Variants in DMBT1 observed in about 807,000 individuals in gnomAD.
DMBT1 encodes scavenger receptor cysteine-rich domain-containing protein DMBT1.
DMBT1 carries 198 observed loss-of-function variants against 252.9 expected under a neutral mutation model. The observed-to-expected ratio is 0.78, with a 90% CI of 0.70 to 0.88. The LOEUF is 0.88. DMBT1 is among the 40% of genes least tolerant of loss of function. DMBT1 has a pLI of 0.00. For synonymous variants in DMBT1, 990 were observed against 942.7 expected (o/e 1.05, Z -0.92); for missense variants, 2,432 against 2,404.7 (o/e 1.01, Z -0.24).
At chr10:122,561,716 C>T (rs912883950) in intron 1 of DMBT1, among the ~76,000 whole-genome samples, 1 of 151,392 alleles carries the variant, frequency 6.6e-6, no homozygotes, top group African/African-American at 2.4e-5. Context: ...GGGCAGATAT[C>T]ACCTTTTCTT....
In DMBT1 at chr10:122,621,147, C is replaced by G; in HGVS notation, c.5375C>G (p.Thr1792Ser). The G allele has an allele frequency of 6.2e-7, 1 of 1,613,808 alleles. No individual in the cohort carries two copies. Among genetic ancestry groups the G allele is most frequent in the Non-Finnish European group, 8.5e-7 (1 of 1,179,764 alleles). Residue 1792 changes from threonine (T) to serine (S), a missense_variant, in exon 44 of 56, where the codon ACC (threonine) becomes AGC (serine). Around this residue, in one of 3 missense-constraint regions of DMBT1, gnomAD observed 1,162 missense variants for 1,169.0 expected, o/e 0.99. Transcript: ENST00000338354. ...VEVLYRGSWG[T>S]VCDDSWDTND... ...GTCCTGTATCGAGGCTCCTGGGGAA[C>G]CGTGTGTGATGACAGCTGGGACACC...
intron 11 of DMBT1, 39 bp downstream of exon 11, chr10:122,580,934 T>G (rs575976627): frequency 6.2e-7 from 1 of 1,611,790 alleles, no homozygotes; most frequent in Admixed American, 1.7e-5. Flanking sequence ...GTCCCTTCTC[T>G]TTCTGCCCAA....
chr10:122,631,290 C>T lies in DMBT1; in HGVS notation c.6346+9C>T, dbSNP rs777508590. 1.2e-6 allele frequency: 2 copies of T among 1,609,246 alleles called. No individual in the cohort carries two copies. The highest frequency in any genetic ancestry group is 8.5e-7 in the Non-Finnish European group (1 of 1,176,090). On this transcript the variant is annotated intron_variant, in intron 49 of 55. Coordinates refer to ENST00000338354, the MANE Select transcript of DMBT1 (RefSeq NM_001377530.1). ...TGGTGTCATCTGCTCAGGTATGGCC[C>T]AATGCCATGGAAGGCCCATTTCACC... is the stretch of plus-strand genomic sequence containing the variant.
chr10:122,642,841 T>A (rs554772182), intron 55 of DMBT1, among the ~76,000 whole-genome samples: 1 of 152,322 alleles, frequency 6.6e-6, no homozygotes, highest in African/African-American at 2.4e-5. Context: ...ATTGTGGGAT[T>A]AGGCCTCAAC....
intron 9 of DMBT1, 146 bp downstream of exon 9, chr10:122,578,905 C>T: frequency 1.3e-6 from 1 of 759,896 alleles, no homozygotes; most frequent in East Asian, 2.7e-5. Context: ...AAACAGTTGG[C>T]TCAAGAGTCA....
At position 122,589,126 on chromosome 10, in the gene DMBT1, C is replaced by T. The variant is rs989419742; in HGVS notation, c.1966C>T (p.Arg656Trp). Residue 656 changes from arginine (R) to tryptophan (W), a missense_variant, in exon 17 of 56, where the codon CGG becomes TGG. This residue lies in a region of DMBT1 where 1,264 missense variants were observed against 1,082.2 expected (regional missense o/e 1.17). Transcript: ENST00000338354. Reference protein sequence around the residue: ...GWATSAPGNARFGQGSGPIVL... With the variant: ...GWATSAPGNAWFGQGSGPIVL... ...GGCCACGTCAGCCCCAGGAAATGCCCGGTTTGGTCAGGGCTCAGGACCCAT... is the reference window on the plus strand; with the variant it reads ...GGCCACGTCAGCCCCAGGAAATGCCTGGTTTGGTCAGGGCTCAGGACCCAT... 1.1e-5 allele frequency: 17 copies of T among 1,588,406 alleles called. No individual in the cohort carries two copies. Among genetic ancestry groups the T allele is most frequent in the African/African-American group, 2.7e-5 (2 of 74,504 alleles).
intron 42 of DMBT1, 99 bp downstream of exon 42, chr10:122,619,436 T>C: frequency 6.7e-7 from 1 of 1,498,724 alleles, no homozygotes; most frequent in Non-Finnish European, 9.2e-7. Flanking sequence ...GTGCGGATAC[T>C]GTGGGGCATA....
At chr10:122,574,895 CA>C (rs1299479836) in intron 6 of DMBT1, among the ~76,000 whole-genome samples, 39 of 152,282 alleles carry the variant, frequency 2.6e-4, no homozygotes, top group Non-Finnish European at 1.5e-4. Context: ...AGCTGGGAGT[CA>C]CATTTCTTCT....
chr10:122,639,072 C>A (rs1254515647), intron 54 of DMBT1, among the ~76,000 whole-genome samples: 1 of 152,252 alleles, frequency 6.6e-6, no homozygotes, highest in African/African-American at 2.4e-5. Context: ...GAGCTTCCCA[C>A]AGCTCCACCA....
intron 46 of DMBT1, among the ~76,000 whole-genome samples, chr10:122,626,300 T>G (rs1347785194): frequency 5.9e-5 from 9 of 152,360 alleles, no homozygotes; most frequent in Non-Finnish European, 7.3e-5. Context: ...TTTCATTGCT[T>G]TTAAAAAATA....
At chr10:122,568,671 C>T (rs1328284417) in intron 2 of DMBT1, among the ~76,000 whole-genome samples, 2 of 152,170 alleles carry the variant, frequency 1.3e-5, no homozygotes, top group African/African-American at 4.8e-5. Context: ...GCTAATGGGG[C>T]ACTATGTGTG....
chr10:122,576,487 C>T lies in DMBT1; in HGVS notation c.372C>T (p.Gly124=). ...AGATCCTATACCGAGGCTCCTGGGG[C>T]ACCGTGTGTGATGACAGCTGGGACA... ...RVEILYRGSW[G]TVCDDSWDTN... Residue 124 remains glycine (G), a synonymous_variant, in exon 7 of 56, where the codon GGC becomes GGT. Transcript: ENST00000338354. The T allele has an allele frequency of 6.2e-7, 1 of 1,613,944 alleles. No homozygotes were observed. Among genetic ancestry groups the T allele is most frequent in the South Asian group, 1.1e-5 (1 of 91,072 alleles).
chr10:122,619,453 T>C (rs2098039721), intron 42 of DMBT1, 116 bp downstream of exon 42: 3 of 1,375,644 alleles, frequency 2.2e-6, no homozygotes, highest in Non-Finnish European at 3.1e-6. Context: ...CATATTATTT[T>C]TCCTCCCACC....
intron 3 of DMBT1, 51 bp from the exon 4 acceptor site, chr10:122,570,839 T>C: frequency 1.9e-6 from 3 of 1,596,480 alleles, no homozygotes; most frequent in Non-Finnish European, 2.6e-6. Flanking sequence ...GGACCAACCC[T>C]CCCCAAACAA....
At chr10:122,624,789 A>C (rs1162345924) in intron 44 of DMBT1, among the ~76,000 whole-genome samples, 1 of 152,210 alleles carries the variant, frequency 6.6e-6, no homozygotes, top group Non-Finnish European at 1.5e-5. Context: ...AGCTGCCCGC[A>C]CAATGGCTGG....
intron 54 of DMBT1, among the ~76,000 whole-genome samples, chr10:122,639,585 C>A (rs1044154598): frequency 6.6e-6 from 1 of 152,070 alleles, no homozygotes; most frequent in Admixed American, 6.6e-5. Flanking sequence ...AGGCAGGAAC[C>A]AGCCATTTTT....
At chr10:122,618,365 C>T (rs771716722) in intron 41 of DMBT1, 25 bp downstream of exon 41, 6 of 1,613,782 alleles carry the variant, frequency 3.7e-6, no homozygotes, top group Middle Eastern at 1.7e-4. Context: ...CCTTGGGCTC[C>T]CTCTCTTAAG....
At chr10:122,586,651 C>G (rs1591310119) in intron 16 of DMBT1, among the ~76,000 whole-genome samples, 3 of 148,328 alleles carry the variant, frequency 2.0e-5, no homozygotes, top group African/African-American at 7.3e-5. Context: ...GACGAAAGCG[C>G]CGGGTCTTTG....
intron 1 of DMBT1, among the ~76,000 whole-genome samples, chr10:122,562,514 A>G (rs909454361): frequency 6.6e-6 from 1 of 152,222 alleles, no homozygotes; most frequent in Admixed American, 6.5e-5. Flanking sequence ...CATCAGAAGC[A>G]TCTGAAACTG....
Sources: allele counts gnomAD v4.1 joint callset (sites outside exome capture counted in the v4.1 genomes callset), GRCh38; gene constraint gnomAD v4.1.1; regional missense constraint gnomAD v4.1.1; transcripts MANE v1.5; gene names NCBI Gene and HGNC (gene_info 2026-07-23, HGNC 2026-07-21).